Variants in CAVIN1 observed in about 807,000 individuals in gnomAD.
The protein encoded by CAVIN1 is caveolae-associated protein 1.
In CAVIN1, 16 loss-of-function variants were observed where a neutral mutation model predicts 24.0. The ratio of observed to expected loss-of-function variants is 0.67; its 90% CI spans 0.45 to 1.01. The LOEUF (loss-of-function observed/expected upper bound fraction) is 1.01. Among genes scored for constraint, CAVIN1 ranks in the 50% least tolerant of loss-of-function variants. The pLI is 0.00. For synonymous variants in CAVIN1, 256 were observed against 256.4 expected, an observed-to-expected ratio of 1.00 and a Z score of 0.02; for missense variants, 510 against 551.7, an observed-to-expected ratio of 0.92 and a Z score of 0.76.
At chr17:42,417,731 C>T (rs974987055) in intron 1 of CAVIN1, among the ~76,000 whole-genome samples, 1 of 151,972 alleles carries the variant, frequency 6.6e-6, no homozygotes, top group Admixed American at 6.6e-5. Context: ...CTCTCTTGTC[C>T]AGGCACAACC....
At position 42,423,130 on chromosome 17, in the gene CAVIN1, G is replaced by T; in HGVS notation, c.-33C>A. 6.7e-7 allele frequency: 1 copy of T among 1,488,198 alleles called. No homozygotes were observed. 92.2% of individuals were successfully genotyped at this position (1,488,198 alleles called of 1,614,324 possible). On this transcript the variant is annotated 5_prime_UTR_variant, in exon 1 of 2. Coordinates refer to ENST00000357037, the MANE Select transcript of CAVIN1 (RefSeq NM_012232.6). ...CGGAGCCGTGCGGGACCGGCCGGGT[G>T]GGGCTGGAGCTGGAGCGGGAGACCC... is the stretch of plus-strand genomic sequence containing the variant.
intron 1 of CAVIN1, among the ~76,000 whole-genome samples, chr17:42,418,521 G>A (rs532104530): frequency 7.2e-5 from 11 of 152,184 alleles, no homozygotes; most frequent in East Asian, 3.9e-4. Flanking sequence ...GTGAGCCACC[G>A]CGCCCAGCCC....
chr17:42,421,694 A>C (rs1433230963), intron 1 of CAVIN1, among the ~76,000 whole-genome samples: 1 of 152,118 alleles, frequency 6.6e-6, no homozygotes, highest in Non-Finnish European at 1.5e-5. Context: ...AAGAATGGGG[A>C]GAGCTGCAAA....
chr17:42,418,395 C>G (rs962114689), intron 1 of CAVIN1, among the ~76,000 whole-genome samples: 2 of 152,066 alleles, frequency 1.3e-5, no homozygotes, highest in Admixed American at 6.6e-5. Context: ...CCACGCCTGG[C>G]TAATTTTGTA....
chr17:42,403,480 C>A lies in CAVIN1; in HGVS notation c.*1207G>T, dbSNP rs1278073613. On this transcript the variant is annotated 3_prime_UTR_variant, in exon 2 of 2. Coordinates refer to ENST00000357037, the MANE Select transcript of CAVIN1 (RefSeq NM_012232.6). The stretch of plus-strand genomic sequence containing the variant: ...CGGGTGGGGCTGACCTCTCTGTCTT[C>A]TTTGGATCATCGCCTTCTCACACTG... The A allele has an allele frequency of 6.5e-6, 1 of 152,882 alleles. No individual in the cohort carries two copies. The highest frequency in any genetic ancestry group is 1.5e-5 in the Non-Finnish European group (1 of 68,130). The allele number at this position is 152,882 out of a possible 1,614,324, so 9.5% of individuals were successfully genotyped here.
chr17:42,409,709 C>CACCACAAACACAGTTGT (rs1318848812), intron 1 of CAVIN1, among the ~76,000 whole-genome samples: 1 of 151,966 alleles, frequency 6.6e-6, no homozygotes, highest in African/African-American at 2.4e-5. Context: ...CTGGTACAAC[C>CACCACAAACACAGTTGT]ACCACAAACA....
At chr17:42,418,890 A>C (rs1193181694) in intron 1 of CAVIN1, among the ~76,000 whole-genome samples, 1 of 152,222 alleles carries the variant, frequency 6.6e-6, no homozygotes, top group African/African-American at 2.4e-5. Flanking sequence ...AAGCCTTTTA[A>C]GTTTAAAAAT....
intron 1 of CAVIN1, among the ~76,000 whole-genome samples, chr17:42,421,280 C>G (rs2085543483): frequency 6.6e-6 from 1 of 152,096 alleles, no homozygotes; most frequent in Non-Finnish European, 1.5e-5. Flanking sequence ...GAAACCAAGC[C>G]AAGGACCCCC....
chr17:42,412,234 T>C lies in CAVIN1; in HGVS notation c.472-6846A>G, dbSNP rs554675407. 23 of 985,114 alleles carry C rather than the reference T, an allele frequency of 2.3e-5. No individual in the cohort carries two copies. The African/African-American group carries it at 4.0e-4, about 17-fold the overall frequency. The allele number at this position is 985,114 out of a possible 1,614,324, so 61.0% of individuals were successfully genotyped here. ...GGGTGTGGCCAGGTCAGAGGGTGCA[T>C]TCGGCTTCTTCTTGGGCTAAGATGA... On this transcript the variant is annotated intron_variant, in intron 1 of 1. Coordinates refer to ENST00000357037, the MANE Select transcript of CAVIN1 (RefSeq NM_012232.6).
chr17:42,422,563 C>T, intron 1 of CAVIN1, 64 bp downstream of exon 1: 1 of 1,364,522 alleles, frequency 7.3e-7, no homozygotes, highest in Non-Finnish European at 1.0e-6. Flanking sequence ...CCCACCCCAA[C>T]TCCCAGGCAG....
intron 1 of CAVIN1, among the ~76,000 whole-genome samples, 194 bp from the exon 2 acceptor site, chr17:42,405,582 G>A (rs564141888): frequency 6.6e-6 from 1 of 152,088 alleles, no homozygotes; most frequent in East Asian, 1.9e-4. Flanking sequence ...GAGGCAGGAG[G>A]ATGGCTTGAG....
chr17:42,417,459 CAA>C (rs61462482), intron 1 of CAVIN1, among the ~76,000 whole-genome samples: 1 of 131,252 alleles, frequency 7.6e-6, no homozygotes, highest in African/African-American at 2.8e-5. Context: ...AACTTGTCTC[CAA>C]AAAAAAAAAA....
At chr17:42,415,449 A>C (rs942445199) in intron 1 of CAVIN1, among the ~76,000 whole-genome samples, 3 of 152,176 alleles carry the variant, frequency 2.0e-5, no homozygotes, top group African/African-American at 7.2e-5. Context: ...GCGGTGGCTC[A>C]CGCCTGTAAT....
Position 42,422,650 on chromosome 17 carries a change from T to C in CAVIN1, c.448A>G (p.Asn150Asp), listed in dbSNP as rs756663183. 5.7e-6 allele frequency: 9 copies of C among 1,590,842 alleles called. No individual in the cohort carries two copies. The East Asian group carries it at 2.1e-4, about 37-fold the overall frequency. The change falls in exon 1 of 2, where the codon AAC becomes GAC. Residue 150 changes from asparagine (N) to aspartate (D), a missense_variant. By Grantham distance (23) the Asn-to-Asp change is conservative (BLOSUM62 1). Transcript: ENST00000357037. ...VNEAELLRRRNFKVMIYQDEV... is the reference protein window; with the variant it reads ...VNEAELLRRRDFKVMIYQDEV... ...ACCTGGTAGATCATGACTTTAAAGT[T>C]GCGGCGCCGCAGCAGCTCGGCCTCG... is the stretch of plus-strand genomic sequence containing the variant.
chr17:42,409,355 C>G (rs1353547042), intron 1 of CAVIN1, among the ~76,000 whole-genome samples: 4 of 152,168 alleles, frequency 2.6e-5, no homozygotes, highest in African/African-American at 9.7e-5. Flanking sequence ...CTTGCCTCGG[C>G]CTCCCAAAGT....
At chr17:42,412,389 C>CT (rs34186503) in intron 1 of CAVIN1, 32,376 of 202,820 alleles carry the variant, frequency 0.16, 1,438 homozygotes, top group East Asian at 0.35. Context: ...AAATAAACCA[C>CT]TTTTTTTTTT....
At chr17:42,422,233 C>T (rs2085553079) in intron 1 of CAVIN1, among the ~76,000 whole-genome samples, 1 of 152,188 alleles carries the variant, frequency 6.6e-6, no homozygotes, top group Admixed American at 6.5e-5. Context: ...CGCGAGGGAC[C>T]CCTGACTTTC....
intron 1 of CAVIN1, among the ~76,000 whole-genome samples, chr17:42,418,301 G>A (rs556579385): frequency 2.0e-5 from 3 of 146,580 alleles, no homozygotes; most frequent in South Asian, 4.3e-4. Flanking sequence ...GTGCGATCTC[G>A]GCTCACCGCA....
At chr17:42,413,350 G>A (rs1483251888) in intron 1 of CAVIN1, among the ~76,000 whole-genome samples, 2 of 151,532 alleles carry the variant, frequency 1.3e-5, no homozygotes, top group African/African-American at 4.8e-5. Flanking sequence ...TGGATCCCTT[G>A]AGCCCAGGAG....
Sources: allele counts gnomAD v4.1 joint callset (sites outside exome capture counted in the v4.1 genomes callset), GRCh38; gene constraint gnomAD v4.1.1; transcripts MANE v1.5; gene names NCBI Gene and HGNC (gene_info 2026-07-23, HGNC 2026-07-21).